The following UGT1A8 variants were observed in gnomAD, a reference collection of about 807,000 sequenced individuals.
UGT1A8 encodes UDP glucuronosyltransferase family 1 member A8.
Under a neutral mutation model 45.3 loss-of-function variants are expected in UGT1A8, and 39 were observed. That is an observed-to-expected ratio of 0.86 (90% CI 0.67 to 1.12). The LOEUF (loss-of-function observed/expected upper bound fraction) is 1.12, where lower values mean the gene tolerates loss of function less well. Among genes scored for constraint, UGT1A8 ranks in the 50% most tolerant of loss-of-function variants. The pLI is 0.00. For synonymous variants in UGT1A8, 275 were observed against 249.2 expected, an observed-to-expected ratio of 1.10 and a Z score of -0.97; for missense variants, 719 against 664.9, an observed-to-expected ratio of 1.08 and a Z score of -0.90.
At chr2:233,639,232 A>G (rs893548900) in intron 1 of UGT1A8, among the ~76,000 whole-genome samples, 55 of 152,240 alleles carry the variant, frequency 3.6e-4, no homozygotes, top group African/African-American at 1.3e-3. Flanking sequence ...ATGTGTTTCT[A>G]TATCTATTAA....
chr2:233,656,452 C>T (rs2073855272), intron 1 of UGT1A8, among the ~76,000 whole-genome samples: 1 of 152,140 alleles, frequency 6.6e-6, no homozygotes, highest in African/African-American at 2.4e-5. Context: ...GGTGGAGGTG[C>T]ACTTGTTTAA....
At position 233,769,700 on chromosome 2, in the gene UGT1A8, T is replaced by A; in HGVS notation, c.1295+1261T>A. The A allele has an allele frequency of 3.3e-6, 5 of 1,527,942 alleles. No homozygotes were observed. The highest frequency in any genetic ancestry group is 4.4e-6 in the Non-Finnish European group (5 of 1,136,410). 94.6% of individuals were successfully genotyped at this position (1,527,942 alleles called of 1,614,324 possible). On this transcript the variant is annotated intron_variant, in intron 4 of 4. Transcript: ENST00000373450. This position sits in a 1 kb window ranked among gnomAD's most constrained non-coding sequence, Gnocchi z 4.4. Reference sequence around the variant, plus strand: ...GTGTGTGGTGGCACTGGATAAAAGATCAATGTTGGCTAGGCACCATGGCAC... The same window carrying A: ...GTGTGTGGTGGCACTGGATAAAAGAACAATGTTGGCTAGGCACCATGGCAC...
chr2:233,769,841 G>A lies in UGT1A8; in HGVS notation c.1295+1402G>A. On this transcript the variant is annotated intron_variant, in intron 4 of 4. Transcript: ENST00000373450. The surrounding 1 kb of genome is among the most constrained non-coding windows in gnomAD (Gnocchi z 4.4). ...CTGCACTCCAGCAACCTGGGCAACAGAGTGAGACCCTGTCTCAAAAAAAAA... is the reference window on the plus strand; with the variant it reads ...CTGCACTCCAGCAACCTGGGCAACAAAGTGAGACCCTGTCTCAAAAAAAAA... 1.8e-6 allele frequency: 1 copy of A among 550,094 alleles called. No individual in the cohort carries two copies. Among genetic ancestry groups the A allele is most frequent in the Non-Finnish European group, 2.8e-6 (1 of 353,910 alleles). The allele number at this position is 550,094 out of a possible 1,614,324, so 34.1% of individuals were successfully genotyped here.
At chr2:233,759,038 G>T (rs1395341840) in intron 1 of UGT1A8, among the ~76,000 whole-genome samples, 2 of 152,168 alleles carry the variant, frequency 1.3e-5, no homozygotes, top group African/African-American at 2.4e-5. Context: ...TTGGTTTCCT[G>T]TTGTGAACAA....
In UGT1A8 at chr2:233,672,100, G is replaced by T. The variant is rs919094064; in HGVS notation, c.855+53538G>T. The T allele has an allele frequency of 3.7e-6, 6 of 1,614,072 alleles. No homozygotes were observed. In the African/African-American group the frequency reaches 5.3e-5, roughly 14 times the overall value. On this transcript the variant is annotated intron_variant, in intron 1 of 4. Transcript: ENST00000373450. ...ACTCATTCTCAGGGGGCATGAGGTG[G>T]TTGTAGTCATGCCAGAGGTGAGTTG... is the stretch of plus-strand genomic sequence containing the variant.
chr2:233,731,938 C>T (rs1286643444), intron 1 of UGT1A8, among the ~76,000 whole-genome samples: 1 of 152,210 alleles, frequency 6.6e-6, no homozygotes, highest in African/African-American at 2.4e-5. Flanking sequence ...ACATCCTCTC[C>T]AACATCTGTT....
rs1700558646 is a variant in UGT1A8, at chr2:233,772,951, T to C, written c.*392T>C. The stretch of plus-strand genomic sequence containing the variant: ...AATCTTATCTTTTGGCTTCTGCAGA[T>C]GGTTGCAATTGATCCTTAACCAATA... On this transcript the variant is annotated 3_prime_UTR_variant, in exon 5 of 5. Transcript: ENST00000373450. 1 of 322,076 alleles carries C rather than the reference T, an allele frequency of 3.1e-6. No homozygotes were observed. Among genetic ancestry groups the C allele is most frequent in the South Asian group, 3.1e-5 (1 of 32,036 alleles). The allele number at this position is 322,076 out of a possible 1,614,324, so 20.0% of individuals were successfully genotyped here. A position where few individuals can be genotyped will look rare whatever the true frequency, so the allele number is the denominator to read the frequency against.
intron 1 of UGT1A8, among the ~76,000 whole-genome samples, chr2:233,725,072 A>T (rs1214982846): frequency 6.9e-6 from 1 of 144,958 alleles, no homozygotes; most frequent in African/African-American, 2.6e-5. Flanking sequence ...CTGCAATCGC[A>T]GGCACTCGGC....
intron 1 of UGT1A8, among the ~76,000 whole-genome samples, chr2:233,704,144 G>T (rs2075769955): frequency 6.6e-6 from 1 of 151,886 alleles, no homozygotes; most frequent in Admixed American, 6.6e-5. Context: ...ACCCGCCTCA[G>T]CCTTTCAAAG....
chr2:233,659,145 A>G (rs1183399984), intron 1 of UGT1A8, among the ~76,000 whole-genome samples: 1 of 152,152 alleles, frequency 6.6e-6, no homozygotes, highest in Non-Finnish European at 1.5e-5. Flanking sequence ...CTTTGATCAG[A>G]TTTATCCCTA....
At chr2:233,747,498 C>T in intron 1 of UGT1A8, 3 of 1,608,498 alleles carry the variant, frequency 1.9e-6, no homozygotes, top group East Asian at 4.5e-5. Flanking sequence ...TGTGCTGGGC[C>T]ACACTCAACT....
chr2:233,699,987 T>C (rs946702694), intron 1 of UGT1A8, among the ~76,000 whole-genome samples: 2 of 152,158 alleles, frequency 1.3e-5, no homozygotes, highest in Non-Finnish European at 2.9e-5. Context: ...CAACAAAGAA[T>C]TACTCTGGCT....
chr2:233,627,627 TCC>T (rs2073109474), intron 1 of UGT1A8, among the ~76,000 whole-genome samples: 2 of 82,468 alleles, frequency 2.4e-5, no homozygotes, highest in African/African-American at 1.2e-4. Context: ...CTTCCTTTCT[TCC>T]TTCCTTCCTT....
chr2:233,712,864 G>A, intron 1 of UGT1A8: 1 of 1,572,064 alleles, frequency 6.4e-7, no homozygotes, highest in Non-Finnish European at 8.6e-7. Context: ...AACTGGAGGA[G>A]GGCACTCTGT....
At chr2:233,761,180 C>T (rs374898247) in intron 1 of UGT1A8, 24 of 1,614,008 alleles carry the variant, frequency 1.5e-5, no homozygotes, top group Non-Finnish European at 1.8e-5. Flanking sequence ...CTTTTACATG[C>T]GTATATTCTT....
intron 1 of UGT1A8, among the ~76,000 whole-genome samples, chr2:233,632,715 C>T (rs2073213937): frequency 6.6e-6 from 1 of 152,136 alleles, no homozygotes; most frequent in South Asian, 2.1e-4. Context: ...TGCTTATCAG[C>T]TTAAGGAGTT....
chr2:233,726,059 A>G (rs2077496716), intron 1 of UGT1A8, among the ~76,000 whole-genome samples: 1 of 152,080 alleles, frequency 6.6e-6, no homozygotes, highest in East Asian at 1.9e-4. Context: ...CCAGCTACTC[A>G]GGAGGCTGAG....
chr2:233,735,465 A>C (rs1036180168), intron 1 of UGT1A8, among the ~76,000 whole-genome samples: 1 of 151,962 alleles, frequency 6.6e-6, no homozygotes, highest in Admixed American at 6.6e-5. Context: ...TCTTTATCCA[A>C]TTTGCCAGTC....
At chr2:233,728,962 CAG>C in intron 1 of UGT1A8, 1 of 1,451,584 alleles carries the variant, frequency 6.9e-7, no homozygotes, top group Non-Finnish European at 9.2e-7. Flanking sequence ...CAGTGAAAAA[CAG>C]TGATAGATTA....
Sources: allele counts gnomAD v4.1 joint callset (sites outside exome capture counted in the v4.1 genomes callset), GRCh38; gene constraint gnomAD v4.1.1; non-coding constraint Gnocchi (gnomAD v3.1); transcripts MANE v1.5; gene names NCBI Gene and HGNC (gene_info 2026-07-23, HGNC 2026-07-21).